Variants in LYRM4 observed in about 807,000 individuals in gnomAD.
The protein encoded by LYRM4 is LYR motif containing 4.
LYRM4 carries 9 observed loss-of-function variants against 11.7 expected under a neutral mutation model. The observed-to-expected ratio is 0.77, with a 90% CI of 0.46 to 1.34. The LOEUF (loss-of-function observed/expected upper bound fraction) is 1.34, where lower values mean the gene tolerates loss of function less well. Among genes scored for constraint, LYRM4 ranks in the 40% most tolerant of loss-of-function variants. LYRM4 has a pLI of 0.00. For synonymous variants in LYRM4, 42 were observed against 40.4 expected (o/e 1.04, Z -0.15); for missense variants, 133 against 112.5 (o/e 1.18, Z -0.82).
At chr6:5,188,519 C>T (rs557606756) in intron 2 of LYRM4, among the ~76,000 whole-genome samples, 3 of 152,122 alleles carry the variant, frequency 2.0e-5, no homozygotes, top group Non-Finnish European at 4.4e-5. Context: ...TTATTTTTAA[C>T]AAATACTAAC....
chr6:5,162,755 C>T (rs906844348), intron 2 of LYRM4, among the ~76,000 whole-genome samples: 1 of 152,122 alleles, frequency 6.6e-6, no homozygotes, highest in East Asian at 1.9e-4. Flanking sequence ...AATGCCAATG[C>T]TTTATAAACA....
intron 2 of LYRM4, among the ~76,000 whole-genome samples, chr6:5,180,214 C>G (rs1385232249): frequency 1.3e-5 from 2 of 152,188 alleles, no homozygotes; most frequent in Non-Finnish European, 2.9e-5. Context: ...CAGTTTACAC[C>G]TCCTGCTGCT....
chr6:5,051,628 C>A, the LYRM4 span, among the ~76,000 whole-genome samples: 1 of 152,164 alleles, frequency 6.6e-6, no homozygotes, highest in East Asian at 1.9e-4. Flanking sequence ...TTAAGACATT[C>A]CCAGATAAAC....
intron 2 of LYRM4, among the ~76,000 whole-genome samples, chr6:5,192,189 A>G (rs1760793926): frequency 6.6e-6 from 1 of 152,212 alleles, no homozygotes; most frequent in Non-Finnish European, 1.5e-5. Flanking sequence ...TCTGCTGAGC[A>G]TCCTGGGGCT....
rs1765052878 is a variant in LYRM4 at position 5,260,897 on chromosome 6, G to C, written c.-164C>G. On this transcript the variant is annotated 5_prime_UTR_variant, in exon 1 of 3. Transcript: ENST00000330636. ...GCCTAAGCGGGCAGCCCTGCGGATC[G>C]CGGACGGCGCCAGGCGTCCCGCGCC... The C allele has an allele frequency of 2.9e-6, 4 of 1,397,460 alleles. No individual in the cohort carries two copies. The highest frequency in any genetic ancestry group is 3.0e-5 in the African/African-American group (2 of 66,170). The allele number at this position is 1,397,460 out of a possible 1,614,324, so 86.6% of individuals were successfully genotyped here.
chr6:5,243,897 T>G (rs1312960546), intron 1 of LYRM4, among the ~76,000 whole-genome samples: 1 of 152,248 alleles, frequency 6.6e-6, no homozygotes, highest in Non-Finnish European at 1.5e-5. Flanking sequence ...CCTTTTTTAT[T>G]CCTACACCAA....
chr6:5,227,594 G>C (rs1183664596), intron 1 of LYRM4, among the ~76,000 whole-genome samples: 1 of 152,138 alleles, frequency 6.6e-6, no homozygotes, highest in Non-Finnish European at 1.5e-5. Flanking sequence ...CAAGGATCTA[G>C]AACCAGAAAT....
intron 2 of LYRM4, among the ~76,000 whole-genome samples, chr6:5,146,924 A>G (rs907187940): frequency 3.9e-5 from 6 of 152,204 alleles, no homozygotes; most frequent in African/African-American, 7.2e-5. Context: ...GAGACCATCA[A>G]AGATGGCCAT....
At chr6:5,215,815 C>G (rs1279470139) in intron 2 of LYRM4, among the ~76,000 whole-genome samples, 3 of 152,148 alleles carry the variant, frequency 2.0e-5, no homozygotes, top group African/African-American at 7.2e-5. Flanking sequence ...AGCAAATTTC[C>G]TGCAAGTAAA....
At chr6:5,080,649 T>C in the LYRM4 span, among the ~76,000 whole-genome samples, 2 of 152,202 alleles carry the variant, frequency 1.3e-5, no homozygotes, top group African/African-American at 2.4e-5. Flanking sequence ...TTGGCAAATA[T>C]TTATGCTTAA....
chr6:5,101,968 C>CTTTTTTTTTTTTTT (rs397826404), downstream of LYRM4, among the ~76,000 whole-genome samples: 339 of 67,932 alleles, frequency 5.0e-3, 63 homozygotes, highest in Non-Finnish European at 7.3e-3. Context: ...CTAATGCTTT[C>CTTTTTTTTTTTTTT]TTTTTTTTTT....
downstream of LYRM4, chr6:5,105,336 G>A (rs372056468): frequency 1.2e-3 from 179 of 152,244 alleles, 2 homozygotes; most frequent in African/African-American, 4.0e-3. Context: ...CTTCAATGGC[G>A]GCCCACCCCA....
chr6:5,093,937 C>T, the LYRM4 span, among the ~76,000 whole-genome samples: 2 of 152,226 alleles, frequency 1.3e-5, no homozygotes, highest in African/African-American at 4.8e-5. Flanking sequence ...GGGATGCTGC[C>T]TGTGCAGGGT....
the LYRM4 span, among the ~76,000 whole-genome samples, chr6:5,051,833 T>A: frequency 6.6e-6 from 1 of 151,928 alleles, no homozygotes. Context: ...TGGCAGAAGG[T>A]GAAGGGGAGC....
At chr6:5,259,853 T>C (rs543891394) in intron 1 of LYRM4, among the ~76,000 whole-genome samples, 1 of 151,714 alleles carries the variant, frequency 6.6e-6, no homozygotes, top group East Asian at 1.9e-4. Context: ...AGAGAATCCA[T>C]AAGAAAATGA....
intron 2 of LYRM4, among the ~76,000 whole-genome samples, chr6:5,130,674 G>A (rs2127612495): frequency 6.6e-6 from 1 of 152,196 alleles, no homozygotes; most frequent in South Asian, 2.1e-4. Flanking sequence ...CAGAGACTCG[G>A]GAAAAACAAC....
rs1761810311 is a variant in LYRM4, at chr6:5,208,260, A to C, written c.207+8358T>G. On this transcript the variant is annotated intron_variant, in intron 2 of 2. Transcript: ENST00000330636. Reference sequence around the variant, plus strand: ...TACAGATGTGGTAAATTAGGCAAATAGGCAACTTGCCTGAGATCATGAGGT... The same window carrying C: ...TACAGATGTGGTAAATTAGGCAAATCGGCAACTTGCCTGAGATCATGAGGT... Among the ~76,000 whole-genome samples, 3 of 152,234 alleles carry C rather than the reference A, an allele frequency of 2.0e-5. No homozygotes were observed. In the South Asian group the frequency reaches 6.2e-4, roughly 31 times the overall value.
Position 5,260,893 on chromosome 6 carries a change from G to A in LYRM4, c.-160C>T. On this transcript the variant is annotated 5_prime_UTR_variant, in exon 1 of 3. Coordinates refer to ENST00000330636, the MANE Select transcript of LYRM4 (RefSeq NM_020408.6). ...CTAAGCCTAAGCGGGCAGCCCTGCG[G>A]ATCGCGGACGGCGCCAGGCGTCCCG... is the stretch of plus-strand genomic sequence containing the variant. 1 of 1,402,554 alleles carries A rather than the reference G, an allele frequency of 7.1e-7. No individual in the cohort carries two copies. Among genetic ancestry groups the A allele is most frequent in the Non-Finnish European group, 9.2e-7 (1 of 1,084,602 alleles). The allele number at this position is 1,402,554 out of a possible 1,614,324, so 86.9% of individuals were successfully genotyped here.
chr6:5,102,361 CT>C (rs1313640548), downstream of LYRM4, among the ~76,000 whole-genome samples: 1 of 152,138 alleles, frequency 6.6e-6, no homozygotes. Context: ...CCTGTATGTG[CT>C]GTGCAAATCA....
Sources: gnomAD v4.1 joint callset for allele counts (sites outside exome capture counted in the v4.1 genomes callset) on GRCh38, gnomAD v4.1.1 for gene constraint, MANE v1.5 for transcripts, NCBI Gene and HGNC (gene_info 2026-07-23, HGNC 2026-07-21) for gene names.